The following NRXN3 variants were observed in gnomAD, a reference collection of about 807,000 sequenced individuals.
The protein encoded by NRXN3 is neurexin 3, also known as neurexin III.
A neutral mutation model predicts 137.6 loss-of-function variants in NRXN3; 32 were observed. That is an observed-to-expected ratio of 0.23 (90% confidence interval 0.18 to 0.31). The LOEUF (loss-of-function observed/expected upper bound fraction) is 0.31. Among genes scored for constraint, NRXN3 ranks in the 10% least tolerant of loss-of-function variants. NRXN3 has a pLI of 1.00. For synonymous variants in NRXN3, 798 were observed against 784.5 expected, an observed-to-expected ratio of 1.02 and a Z score of -0.29; for missense variants, 1,574 against 2,062.5, an observed-to-expected ratio of 0.76 and a Z score of 4.59.
intron 4 of NRXN3, among the ~76,000 whole-genome samples, chr14:78,414,312 T>G (rs1185504904): frequency 1.3e-5 from 2 of 152,074 alleles, no homozygotes; most frequent in East Asian, 3.9e-4. Context: ...AGCACATGCC[T>G]TTTATTGACA....
chr14:79,624,314 A>ATGTCTTCATAGT (rs2098258209), intron 16 of NRXN3, among the ~76,000 whole-genome samples: 1 of 152,150 alleles, frequency 6.6e-6, no homozygotes, highest in African/African-American at 2.4e-5. Flanking sequence ...CCATTGGTTC[A>ATGTCTTCATAGT]CAGGAAGACC....
chr14:78,256,443 C>T (rs2069620668), intron 2 of NRXN3, among the ~76,000 whole-genome samples: 1 of 152,220 alleles, frequency 6.6e-6, no homozygotes, highest in Non-Finnish European at 1.5e-5. Context: ...CAGGTGCCTT[C>T]GTGAAGCTAT....
At chr14:78,795,164 G>A (rs143047779) in intron 8 of NRXN3, among the ~76,000 whole-genome samples, 4 of 152,258 alleles carry the variant, frequency 2.6e-5, no homozygotes, top group Middle Eastern at 6.8e-3. Context: ...ATGAAAGACC[G>A]AGGAAATCAT....
chr14:78,415,416 T>C (rs1481429087), intron 4 of NRXN3, among the ~76,000 whole-genome samples: 2 of 152,146 alleles, frequency 1.3e-5, no homozygotes, highest in South Asian at 2.1e-4. Flanking sequence ...TTATTTCCCA[T>C]GAGTTGAGGG....
chr14:78,850,894 C>G (rs2099040734), intron 10 of NRXN3, among the ~76,000 whole-genome samples: 1 of 152,122 alleles, frequency 6.6e-6, no homozygotes, highest in Admixed American at 6.6e-5. Flanking sequence ...TTCTGTTTTA[C>G]TGCTTTCAGG....
At position 78,243,267 on chromosome 14, in the gene NRXN3, C is replaced by A. The variant is rs573496705; in HGVS notation, c.174C>A (p.Asn58Lys). The A allele has an allele frequency of 1.3e-6, 2 of 1,560,420 alleles. No individual in the cohort carries two copies. The highest frequency in any genetic ancestry group is 1.7e-6 in the Non-Finnish European group (2 of 1,160,748). Residue 58 changes from asparagine to lysine, a missense_variant, in exon 2 of 21, where the codon AAC becomes AAA. By Grantham distance (94) the Asn-to-Lys change is moderately conservative. Around this residue, in one of 5 missense-constraint regions of NRXN3, gnomAD observed 400 missense variants for 527.3 expected, o/e 0.76. Coordinates refer to ENST00000335750, the MANE Select transcript of NRXN3 (RefSeq NM_001330195.2). The surrounding 1 kb of genome is among the most constrained non-coding windows in gnomAD (Gnocchi z 4.2). ...ACCTGAGTTTCCAGTTCAAGACCAA[C>A]GTCTCTACGGGGCTGCTCCTCTACC... is the stretch of plus-strand genomic sequence containing the variant. ...RSDLSFQFKTNVSTGLLLYLD... is the reference protein window; with the variant it reads ...RSDLSFQFKTKVSTGLLLYLD...
chr14:78,740,948 C>T (rs1486357506), intron 8 of NRXN3, among the ~76,000 whole-genome samples: 1 of 151,986 alleles, frequency 6.6e-6, no homozygotes, highest in Non-Finnish European at 1.5e-5. Context: ...GTGCAGTGGG[C>T]TTTGCTGTTC....
intron 2 of NRXN3, among the ~76,000 whole-genome samples, chr14:78,252,968 A>C (rs907845292): frequency 6.6e-6 from 1 of 151,994 alleles, no homozygotes; most frequent in Admixed American, 6.5e-5. Flanking sequence ...CTTCCTCCTC[A>C]TTCTCTCAGG....
At chr14:78,999,431 G>A (rs1253516393) in intron 15 of NRXN3, among the ~76,000 whole-genome samples, 1 of 152,118 alleles carries the variant, frequency 6.6e-6, no homozygotes, top group East Asian at 1.9e-4. Flanking sequence ...AAATATATTT[G>A]TTGGTTGAAT....
At chr14:79,060,854 C>A (rs2099673369) in intron 15 of NRXN3, among the ~76,000 whole-genome samples, 1 of 151,972 alleles carries the variant, frequency 6.6e-6, no homozygotes, top group Non-Finnish European at 1.5e-5. Context: ...TATAATTTCT[C>A]TACTAGATTA....
At chr14:79,418,182 C>T (rs2095524967) in intron 15 of NRXN3, among the ~76,000 whole-genome samples, 1 of 152,126 alleles carries the variant, frequency 6.6e-6, no homozygotes, top group Admixed American at 6.6e-5. Flanking sequence ...GGTATGCTGC[C>T]AACATCCTGA....
chr14:79,333,952 G>T (rs1268538660), intron 15 of NRXN3, among the ~76,000 whole-genome samples: 1 of 152,064 alleles, frequency 6.6e-6, no homozygotes, highest in African/African-American at 2.4e-5. Flanking sequence ...GCTGTGTGCC[G>T]ATCTTGAGCC....
At chr14:78,258,529 G>A (rs772797255) in intron 2 of NRXN3, among the ~76,000 whole-genome samples, 1 of 151,954 alleles carries the variant, frequency 6.6e-6, no homozygotes, top group South Asian at 2.1e-4. Flanking sequence ...GAAGGAATGT[G>A]GTTTAGAGGA....
intron 8 of NRXN3, among the ~76,000 whole-genome samples, chr14:78,741,249 A>G (rs893583417): frequency 1.3e-5 from 2 of 152,170 alleles, no homozygotes; most frequent in African/African-American, 4.8e-5. Flanking sequence ...CTAGAGTAGC[A>G]TTCCTCCTCT....
chr14:79,585,683 TAAAAAAAAAACA>T (rs1334325866), intron 16 of NRXN3, among the ~76,000 whole-genome samples: 1 of 75,942 alleles, frequency 1.3e-5, no homozygotes, highest in African/African-American at 6.6e-5. Flanking sequence ...GACTCCATCT[TAAAAAAAAAACA>T]AAAAAAAAAA....
At chr14:79,701,301 T>TG (rs1411540010) in intron 19 of NRXN3, among the ~76,000 whole-genome samples, 2 of 152,102 alleles carry the variant, frequency 1.3e-5, no homozygotes. Flanking sequence ...CATAACTTGG[T>TG]GGTTTAAAAC....
chr14:79,489,505 T>C (rs1427904760), intron 16 of NRXN3, among the ~76,000 whole-genome samples: 6 of 152,196 alleles, frequency 3.9e-5, no homozygotes, highest in African/African-American at 1.2e-4. Flanking sequence ...TGCATTAGTA[T>C]GGAACCACCT....
chr14:79,336,073 G>T (rs146457112), intron 15 of NRXN3, among the ~76,000 whole-genome samples: 1 of 152,268 alleles, frequency 6.6e-6, no homozygotes, highest in Non-Finnish European at 1.5e-5. Flanking sequence ...GGTCAGGAAT[G>T]TATTAAAAGT....
chr14:79,578,486 C>G (rs1170843648), intron 16 of NRXN3, among the ~76,000 whole-genome samples: 1 of 152,148 alleles, frequency 6.6e-6, no homozygotes, highest in African/African-American at 2.4e-5. Flanking sequence ...GTCCCACAAC[C>G]TAAGCCGCAT....
Sources: gnomAD v4.1 joint callset for allele counts (sites outside exome capture counted in the v4.1 genomes callset) on GRCh38, gnomAD v4.1.1 for gene constraint, gnomAD v4.1.1 regional missense constraint, Gnocchi (gnomAD v3.1) non-coding constraint, MANE v1.5 for transcripts, NCBI Gene and HGNC (gene_info 2026-07-23, HGNC 2026-07-21) for gene names.